The following TGFBR1 variants were observed in gnomAD, a reference collection of about 807,000 sequenced individuals.
TGFBR1 encodes TGF-beta receptor type-1.
Under a neutral mutation model 55.1 loss-of-function variants are expected in TGFBR1, and 20 were observed. The observed-to-expected ratio is 0.36, with a 90% CI of 0.26 to 0.53. The LOEUF is 0.53. TGFBR1 is among the 20% of genes least tolerant of loss of function. The pLI, the probability that TGFBR1 is intolerant of heterozygous loss-of-function variation, is 0.91. For missense variants in TGFBR1, 385 were observed against 617.6 expected (o/e 0.62, Z 3.99); for synonymous variants, 220 against 214.8 (o/e 1.02, Z -0.21).
upstream of TGFBR1, chr9:99,104,970 G>T (rs1477249431): frequency 9.9e-6 from 2 of 201,740 alleles, no homozygotes; most frequent in Non-Finnish European, 1.9e-5. Flanking sequence ...CGGATTGGCT[G>T]CCTGGCGGGC....
At chr9:99,140,975 G>A (rs1269933838) in intron 4 of TGFBR1, among the ~76,000 whole-genome samples, 1 of 152,092 alleles carries the variant, frequency 6.6e-6, no homozygotes, top group Non-Finnish European at 1.5e-5. Context: ...CTTTGTCAGG[G>A]GTTAATGTAC....
At position 99,152,017 on chromosome 9, in the gene TGFBR1, A is replaced by AG. The variant is rs1485799371; in HGVS notation, c.*2714dup. ...GGGATGGGGGAAATACGACTTAGTG[A>AG]GGCATAGACATCCCTGGTCCATCCT... On this transcript the variant is annotated 3_prime_UTR_variant, in exon 9 of 9. Coordinates refer to ENST00000374994, the MANE Select transcript of TGFBR1 (RefSeq NM_004612.4). 2 of 198,452 alleles carry AG rather than the reference A, an allele frequency of 1.0e-5. No homozygotes were observed. The highest frequency in any genetic ancestry group is 2.1e-5 in the Non-Finnish European group (2 of 95,886). 12.3% of individuals were successfully genotyped at this position (198,452 alleles called of 1,614,324 possible).
chr9:99,122,672 C>T (rs1826930051), intron 1 of TGFBR1, among the ~76,000 whole-genome samples: 2 of 152,148 alleles, frequency 1.3e-5, no homozygotes, highest in South Asian at 4.1e-4. Context: ...ATTTATTCTG[C>T]AATATTTGGA....
chr9:99,116,226 A>AT (rs1242289859), intron 1 of TGFBR1, among the ~76,000 whole-genome samples: 1 of 150,760 alleles, frequency 6.6e-6, no homozygotes, highest in African/African-American at 2.4e-5. Flanking sequence ...CTCATCTATC[A>AT]TTTAAGTTTT....
chr9:99,134,441 G>A (rs571726518), intron 3 of TGFBR1, among the ~76,000 whole-genome samples: 1 of 152,142 alleles, frequency 6.6e-6, no homozygotes, highest in Non-Finnish European at 1.5e-5. Flanking sequence ...GGCAGGCCTG[G>A]TGGACAGAGG....
chr9:99,144,101 A>G (rs994086125), intron 5 of TGFBR1, among the ~76,000 whole-genome samples: 1 of 152,146 alleles, frequency 6.6e-6, no homozygotes, highest in African/African-American at 2.4e-5. Flanking sequence ...TGCAGTGAAC[A>G]TTTGTGTACA....
At chr9:99,108,902 T>TG (rs534781359) in intron 1 of TGFBR1, among the ~76,000 whole-genome samples, 300 of 152,320 alleles carry the variant, frequency 2.0e-3, no homozygotes, top group African/African-American at 6.8e-3. Context: ...ATTCAAATGG[T>TG]GGAAGTCCTA....
chr9:99,135,975 C>T (rs1464765529), intron 3 of TGFBR1, among the ~76,000 whole-genome samples: 5 of 151,782 alleles, frequency 3.3e-5, no homozygotes, highest in Non-Finnish European at 4.4e-5. Context: ...CTGCCTCAGC[C>T]TCCTGAGTAG....
chr9:99,105,826 C>T (rs1826396363), intron 1 of TGFBR1, among the ~76,000 whole-genome samples: 1 of 152,174 alleles, frequency 6.6e-6, no homozygotes. Flanking sequence ...GAGCTCCGAG[C>T]CTCTAGGGCT....
At chr9:99,111,873 A>T (rs1564128827) in intron 1 of TGFBR1, among the ~76,000 whole-genome samples, 1 of 152,134 alleles carries the variant, frequency 6.6e-6, no homozygotes. Flanking sequence ...ATGCTGAGGA[A>T]ATATGACTAC....
At chr9:99,139,980 C>G (rs1056403782) in intron 4 of TGFBR1, among the ~76,000 whole-genome samples, 1 of 152,200 alleles carries the variant, frequency 6.6e-6, no homozygotes, top group African/African-American at 2.4e-5. Context: ...GATTTAGAAG[C>G]TAAACCTAAT....
rs114704997 is a variant in TGFBR1, at chr9:99,153,284, C to G, written c.*3979C>G. 408 of 220,516 alleles carry G rather than the reference C, an allele frequency of 1.9e-3. 1 individual carries two copies. Among genetic ancestry groups the G allele is most frequent in the African/African-American group, 8.7e-3 (389 of 44,782 alleles). The allele number at this position is 220,516 out of a possible 1,614,324, so 13.7% of individuals were successfully genotyped here. On this transcript the variant is annotated 3_prime_UTR_variant, in exon 9 of 9. Transcript: ENST00000374994. ...TATAAAGTATGGGTATTATGTTGCT[C>G]AGTTACTCAAATGGTACTGTATTGT...
rs554828293 is a variant in TGFBR1 at position 99,152,842 on chromosome 9, G to A, written c.*3537G>A. The A allele has an allele frequency of 2.2e-4, 51 of 231,544 alleles. No individual in the cohort carries two copies. Among genetic ancestry groups the A allele is most frequent in the African/African-American group, 1.1e-3 (50 of 45,350 alleles). 14.3% of individuals were successfully genotyped at this position (231,544 alleles called of 1,614,324 possible). A position where few individuals can be genotyped will look rare whatever the true frequency, so the allele number is the denominator to read the frequency against. ...CTTCTTGTCTCTGTTTTGGATTACT[G>A]GAATACCCATGGGCCCTCTCAAGAG... On this transcript the variant is annotated 3_prime_UTR_variant, in exon 9 of 9. Transcript: ENST00000374994.
chr9:99,105,372 G>A (rs1281472649), intron 1 of TGFBR1, 70 bp downstream of exon 1: 2 of 975,592 alleles, frequency 2.1e-6, no homozygotes, highest in Non-Finnish European at 2.4e-6. Flanking sequence ...GCTCGCTCCT[G>A]CTCTTTCTCA....
At chr9:99,126,114 A>C (rs555092854) in intron 1 of TGFBR1, among the ~76,000 whole-genome samples, 5 of 152,334 alleles carry the variant, frequency 3.3e-5, no homozygotes, top group African/African-American at 1.2e-4. Flanking sequence ...TTAAAGGATG[A>C]GTCAGATAAG....
In TGFBR1 at chr9:99,138,559, A is replaced by T. The variant is rs1293199832; in HGVS notation, c.805+470A>T. Among the ~76,000 whole-genome samples the T allele has an allele frequency of 2.6e-5, 4 of 152,328 alleles. 1 individual carries two copies. The highest frequency in any genetic ancestry group is 5.9e-5 in the Non-Finnish European group (4 of 68,028). ...CAGTGTTCTGAGTTGCCAAGGGCTA[A>T]ATAGATGAATCTTCTGGCAAACTCA... On this transcript the variant is annotated intron_variant, in intron 4 of 8. Transcript: ENST00000374994.
intron 1 of TGFBR1, among the ~76,000 whole-genome samples, chr9:99,119,364 A>C (rs1826837367): frequency 6.6e-6 from 1 of 152,000 alleles, no homozygotes; most frequent in South Asian, 2.1e-4. Flanking sequence ...ATTACACCTT[A>C]TTATCTGTGC....
At chr9:99,106,601 A>G (rs891599568) in intron 1 of TGFBR1, among the ~76,000 whole-genome samples, 2 of 152,242 alleles carry the variant, frequency 1.3e-5, no homozygotes, top group South Asian at 2.1e-4. Context: ...CCCACTTTAC[A>G]GATGTGCAAA....
In TGFBR1 at chr9:99,149,714, A is replaced by G. The variant is rs1827925688; in HGVS notation, c.*409A>G. The G allele has an allele frequency of 3.5e-6, 1 of 282,668 alleles. No homozygotes were observed. Among genetic ancestry groups the G allele is most frequent in the Admixed American group, 4.7e-5 (1 of 21,098 alleles). The allele number at this position is 282,668 out of a possible 1,614,324, so 17.5% of individuals were successfully genotyped here. On this transcript the variant is annotated 3_prime_UTR_variant, in exon 9 of 9. Coordinates refer to ENST00000374994, the MANE Select transcript of TGFBR1 (RefSeq NM_004612.4). Reference sequence around the variant, plus strand: ...AAAGTGATTTACTCCTGGTTAGTACATTCTCAGAGGATTCTGAACCACTAG... The same window carrying G: ...AAAGTGATTTACTCCTGGTTAGTACGTTCTCAGAGGATTCTGAACCACTAG...
Sources: gnomAD v4.1 joint callset for allele counts (sites outside exome capture counted in the v4.1 genomes callset) on GRCh38, gnomAD v4.1.1 for gene constraint, MANE v1.5 for transcripts, NCBI Gene and HGNC (gene_info 2026-07-23, HGNC 2026-07-21) for gene names.